NCKAP5: variants seen among roughly 807,000 people sequenced by gnomAD.
The protein encoded by NCKAP5 is NCK associated protein 5.
NCKAP5 carries 92 observed loss-of-function variants against 167.0 expected under a neutral mutation model. The ratio of observed to expected loss-of-function variants is 0.55; its 90% CI spans 0.47 to 0.66. The LOEUF is 0.66. Ranked by LOEUF, NCKAP5 falls within the 30% of genes least tolerant of loss-of-function variation. The pLI, the probability that NCKAP5 is intolerant of heterozygous loss-of-function variation, is 0.00. For synonymous variants in NCKAP5, 891 were observed against 877.4 expected, an observed-to-expected ratio of 1.02 and a Z score of -0.27; for missense variants, 2,378 against 2,315.0, an observed-to-expected ratio of 1.03 and a Z score of -0.56.
chr2:133,076,472 T>C (rs1241370223), intron 6 of NCKAP5, among the ~76,000 whole-genome samples: 2 of 151,326 alleles, frequency 1.3e-5, no homozygotes, highest in East Asian at 1.9e-4. Context: ...ATCCTACGTA[T>C]GAAAAAAAAA....
intron 11 of NCKAP5, among the ~76,000 whole-genome samples, chr2:132,813,563 C>T (rs190407338): frequency 9.5e-4 from 144 of 152,280 alleles, no homozygotes; most frequent in African/African-American, 3.3e-3. Flanking sequence ...GCCACCAGCA[C>T]TCCAGTGATC....
chr2:133,057,788 C>A (rs749719269), intron 6 of NCKAP5, among the ~76,000 whole-genome samples: 1 of 152,176 alleles, frequency 6.6e-6, no homozygotes, highest in Non-Finnish European at 1.5e-5. Context: ...GCTCAAATAA[C>A]AGATAAAGAT....
At chr2:133,160,435 T>TTTTTTTTTTTTTTTTC (rs2083747460) in intron 5 of NCKAP5, among the ~76,000 whole-genome samples, 1 of 84,238 alleles carries the variant, frequency 1.2e-5, no homozygotes, top group Admixed American at 1.2e-4. Flanking sequence ...TTTCCTTTCT[T>TTTTTTTTTTTTTTTTC]TTTCTTTTTT....
chr2:132,811,976 T>C (rs1011770650), intron 11 of NCKAP5, among the ~76,000 whole-genome samples: 4 of 152,256 alleles, frequency 2.6e-5, no homozygotes, highest in South Asian at 2.1e-4. Flanking sequence ...TGTATTTCAC[T>C]CAGCTCTCTA....
chr2:132,966,298 C>G (rs1384565297), intron 7 of NCKAP5, among the ~76,000 whole-genome samples: 1 of 152,118 alleles, frequency 6.6e-6, no homozygotes, highest in Non-Finnish European at 1.5e-5. Context: ...CAGGGTTTCA[C>G]CAGGTTAGCC....
chr2:133,503,364 C>T lies in NCKAP5; in HGVS notation c.69+14094G>A, dbSNP rs1316600716. On this transcript the variant is annotated intron_variant, in intron 3 of 19. Coordinates refer to ENST00000409261, the MANE Select transcript of NCKAP5 (RefSeq NM_207363.3). ...GACTTTTAACTTTCTCAAACAATTG[C>T]TTTTGGCTCTTGCCTCATCTGATCC... Among the ~76,000 whole-genome samples the T allele has an allele frequency of 2.0e-5, 3 of 152,162 alleles. No individual in the cohort carries two copies. In the East Asian group the frequency reaches 5.8e-4, roughly 29 times the overall value.
At chr2:133,007,890 G>A (rs2078022145) in intron 6 of NCKAP5, among the ~76,000 whole-genome samples, 1 of 152,192 alleles carries the variant, frequency 6.6e-6, no homozygotes, top group South Asian at 2.1e-4. Context: ...TTCAACAGCT[G>A]TCACTTCAGT....
chr2:132,950,196 C>T (rs114260151), intron 8 of NCKAP5, among the ~76,000 whole-genome samples: 3,707 of 152,162 alleles, frequency 0.024, 151 homozygotes, highest in African/African-American at 0.083. Flanking sequence ...AAAAAGTCTC[C>T]GTTTTAAAAT....
intron 3 of NCKAP5, among the ~76,000 whole-genome samples, chr2:133,437,476 CAT>C (rs1362093847): frequency 1.3e-5 from 2 of 152,186 alleles, no homozygotes; most frequent in Non-Finnish European, 1.5e-5. Flanking sequence ...CAAATGGACA[CAT>C]AGCCACTTGT....
In NCKAP5 at chr2:133,246,872, T is replaced by C. The variant is rs76911226; in HGVS notation, c.144-33093A>G. On this transcript the variant is annotated intron_variant, in intron 4 of 19. Transcript: ENST00000409261. ...AGTGTTAAAAGTCTACATTAAGACA[T>C]GTAGACCCTCCCCAGGTTGTGCTTC... Among the ~76,000 whole-genome samples the C allele has an allele frequency of 5.2e-3, 794 of 152,288 alleles. 7 individuals carry two copies. Among genetic ancestry groups the C allele is most frequent in the African/African-American group, 0.017 (725 of 41,580 alleles).
In NCKAP5 at chr2:132,782,855, G is replaced by T; in HGVS notation, c.3956C>A (p.Thr1319Lys). ...GNSLTRQNSS[T>K]ESSPNKAPSA... ...AGGGGCCTTGTTGGGAGAGCTTTCCGTGGAAGAGTTCTGCCGGGTAAGAGA... is the reference window on the plus strand; with the variant it reads ...AGGGGCCTTGTTGGGAGAGCTTTCCTTGGAAGAGTTCTGCCGGGTAAGAGA... The change falls in exon 14 of 20, where the codon ACG (threonine) becomes AAG (lysine). Residue 1319 changes from threonine to lysine, a missense_variant. Around this residue, in one of 3 missense-constraint regions of NCKAP5, gnomAD observed 1,325 missense variants for 1,274.5 expected, o/e 1.04. Coordinates refer to ENST00000409261, the MANE Select transcript of NCKAP5 (RefSeq NM_207363.3). 1 of 1,613,956 alleles carries T rather than the reference G, an allele frequency of 6.2e-7. No homozygotes were observed. Among genetic ancestry groups the T allele is most frequent in the South Asian group, 1.1e-5 (1 of 91,074 alleles).
At chr2:133,357,296 C>CACAA (rs965827351) in intron 3 of NCKAP5, among the ~76,000 whole-genome samples, 1 of 150,158 alleles carries the variant, frequency 6.7e-6, no homozygotes, top group Non-Finnish European at 1.5e-5. Flanking sequence ...CAGACACACA[C>CACAA]ACACACACAC....
At chr2:132,681,546 AG>A (rs1358371189) in intron 19 of NCKAP5, among the ~76,000 whole-genome samples, 1 of 152,082 alleles carries the variant, frequency 6.6e-6, no homozygotes, top group African/African-American at 2.4e-5. Context: ...TTGGAGTGAT[AG>A]ATTTTTTACT....
intron 5 of NCKAP5, among the ~76,000 whole-genome samples, chr2:133,165,170 A>G (rs2083949308): frequency 6.6e-6 from 1 of 152,194 alleles, no homozygotes. Context: ...CTACCCCAAC[A>G]CAGAATTATC....
At chr2:132,869,587 C>T (rs947846043) in intron 9 of NCKAP5, among the ~76,000 whole-genome samples, 5 of 152,180 alleles carry the variant, frequency 3.3e-5, no homozygotes, top group Non-Finnish European at 7.3e-5. Flanking sequence ...CAAACCCAAT[C>T]TTTTGGGGCT....
chr2:132,782,691 G>A lies in NCKAP5; in HGVS notation c.4120C>T (p.Pro1374Ser). ...SPSKLPLRIP[P>S]KSEGLLIPPG... Reference sequence around the variant, plus strand: ...GGGATGAGGAGTCCCTCAGACTTTGGAGGGATCCTCAAAGGCAACTTACTT... The same window carrying A: ...GGGATGAGGAGTCCCTCAGACTTTGAAGGGATCCTCAAAGGCAACTTACTT... Residue 1374 changes from proline to serine, a missense_variant, in exon 14 of 20, where the codon CCA becomes TCA. This residue lies in a region of NCKAP5 where 1,325 missense variants were observed against 1,274.5 expected (regional missense o/e 1.04). Coordinates refer to ENST00000409261, the MANE Select transcript of NCKAP5 (RefSeq NM_207363.3). 1 of 1,613,914 alleles carries A rather than the reference G, an allele frequency of 6.2e-7. No individual in the cohort carries two copies.
chr2:133,420,825 C>G (rs897013093), intron 3 of NCKAP5, among the ~76,000 whole-genome samples: 1 of 152,172 alleles, frequency 6.6e-6, no homozygotes. Context: ...TACCTCGTCA[C>G]TTGCGAAGCT....
chr2:133,231,366 C>G (rs1362384317), intron 4 of NCKAP5, among the ~76,000 whole-genome samples: 3 of 152,036 alleles, frequency 2.0e-5, no homozygotes, highest in Non-Finnish European at 4.4e-5. Context: ...ACATATTCAC[C>G]CTTTGTTACC....
At chr2:133,665,597 T>C in the NCKAP5 span, among the ~76,000 whole-genome samples, 1 of 152,196 alleles carries the variant, frequency 6.6e-6, no homozygotes, top group South Asian at 2.1e-4. Flanking sequence ...AAGTCTGAAA[T>C]ATTGTGAGAA....
Sources: gnomAD v4.1 joint callset for allele counts (sites outside exome capture counted in the v4.1 genomes callset) on GRCh38, gnomAD v4.1.1 for gene constraint, gnomAD v4.1.1 regional missense constraint, MANE v1.5 for transcripts, NCBI Gene and HGNC (gene_info 2026-07-23, HGNC 2026-07-21) for gene names.